METTL15: variants seen among roughly 807,000 people sequenced by gnomAD.
METTL15 encodes 12S rRNA N(4)-cytidine methyltransferase METTL15.
Under a neutral mutation model 38.3 loss-of-function variants are expected in METTL15, and 34 were observed. That is an observed-to-expected ratio of 0.89 (90% confidence interval 0.68 to 1.18). The LOEUF is 1.18. Ranked by LOEUF, METTL15 falls within the 50% of genes most tolerant of loss-of-function variation. The probability of loss-of-function intolerance (pLI) is 0.00; values close to 1 mark genes in which losing one functional copy is unlikely to be tolerated. For missense variants in METTL15, 438 were observed against 498.4 expected (o/e 0.88, Z 1.15); for synonymous variants, 162 against 170.9 (o/e 0.95, Z 0.41).
chr11:28,191,241 G>GT (rs1460295462), intron 3 of METTL15, among the ~76,000 whole-genome samples: 4 of 150,170 alleles, frequency 2.7e-5, no homozygotes, highest in Admixed American at 6.7e-5. Flanking sequence ...GTTTGTGAAA[G>GT]TTTTTTTTTC....
chr11:28,408,799 C>G (rs1850699169), intron 5 of METTL15, among the ~76,000 whole-genome samples: 1 of 152,072 alleles, frequency 6.6e-6, no homozygotes. Context: ...TATATCAAAT[C>G]TTGAAGTAAA....
At chr11:28,189,994 T>C (rs1050382546) in intron 3 of METTL15, among the ~76,000 whole-genome samples, 4 of 151,226 alleles carry the variant, frequency 2.6e-5, no homozygotes, top group African/African-American at 9.7e-5. Context: ...TAGAGTTCCA[T>C]AGAGTGCTCT....
chr11:28,334,897 A>T (rs1849886918), downstream of METTL15, among the ~76,000 whole-genome samples: 1 of 152,164 alleles, frequency 6.6e-6, no homozygotes, highest in Non-Finnish European at 1.5e-5. Flanking sequence ...CCTTCTCATA[A>T]TCTGCCCAAA....
chr11:28,250,915 T>C (rs993911335), intron 4 of METTL15, among the ~76,000 whole-genome samples: 3 of 152,030 alleles, frequency 2.0e-5, no homozygotes, highest in Non-Finnish European at 2.9e-5. Context: ...CTTGCATTAT[T>C]TGTGGCTGGG....
At chr11:28,285,591 G>A (rs1856226578) in intron 4 of METTL15, among the ~76,000 whole-genome samples, 1 of 152,050 alleles carries the variant, frequency 6.6e-6, no homozygotes, top group Admixed American at 6.6e-5. Flanking sequence ...GATAATTTAT[G>A]GGTTCTTATA....
intron 3 of METTL15, among the ~76,000 whole-genome samples, chr11:28,175,952 A>G (rs1851059261): frequency 6.6e-6 from 1 of 151,890 alleles, no homozygotes; most frequent in Non-Finnish European, 1.5e-5. Flanking sequence ...TTTTTAGATG[A>G]TGAGATGATA....
At chr11:28,233,479 A>C (rs2133886617) in intron 4 of METTL15, among the ~76,000 whole-genome samples, 1 of 152,014 alleles carries the variant, frequency 6.6e-6, no homozygotes, top group South Asian at 2.1e-4. Context: ...TTTTTAACTT[A>C]AAGGATAAAA....
chr11:28,430,961 C>T (rs1850920766), intron 6 of METTL15, among the ~76,000 whole-genome samples: 1 of 102,422 alleles, frequency 9.8e-6, no homozygotes, highest in Non-Finnish European at 2.2e-5. Flanking sequence ...GGCGCCTCTG[C>T]CCGGCCGCCC....
intron 6 of METTL15, among the ~76,000 whole-genome samples, chr11:28,315,599 A>G (rs1465582918): frequency 6.6e-6 from 1 of 152,234 alleles, no homozygotes; most frequent in Non-Finnish European, 1.5e-5. Context: ...ATAAGTAAGG[A>G]GAAGCCAATC....
intron 4 of METTL15, among the ~76,000 whole-genome samples, chr11:28,216,509 A>G (rs1327281353): frequency 6.6e-6 from 1 of 152,166 alleles, no homozygotes; most frequent in African/African-American, 2.4e-5. Context: ...ATTTGAATAT[A>G]CAAGTTCTAT....
intron 5 of METTL15, among the ~76,000 whole-genome samples, chr11:28,422,607 G>T (rs1459642494): frequency 6.6e-6 from 1 of 151,996 alleles, no homozygotes; most frequent in Non-Finnish European, 1.5e-5. Flanking sequence ...AGGACAGTCT[G>T]TGTAATACAT....
At chr11:28,215,681 A>G (rs1267521792) in intron 4 of METTL15, among the ~76,000 whole-genome samples, 1 of 152,214 alleles carries the variant, frequency 6.6e-6, no homozygotes, top group Non-Finnish European at 1.5e-5. Flanking sequence ...TGAAGGGCAT[A>G]CAAGAAGATT....
chr11:28,316,583 G>C (rs929591654), intron 6 of METTL15, among the ~76,000 whole-genome samples: 6 of 152,176 alleles, frequency 3.9e-5, no homozygotes, highest in Non-Finnish European at 7.3e-5. Flanking sequence ...GATTGGTTTT[G>C]AAATGTGAAG....
chr11:28,486,400 T>A (rs1251990798), intron 6 of METTL15, among the ~76,000 whole-genome samples: 2 of 152,186 alleles, frequency 1.3e-5, no homozygotes, highest in East Asian at 3.9e-4. Flanking sequence ...TCCTTTTTTT[T>A]TTTCTCTGCC....
intron 2 of METTL15, among the ~76,000 whole-genome samples, chr11:28,112,515 A>G (rs1816729834): frequency 6.6e-6 from 1 of 152,178 alleles, no homozygotes; most frequent in Admixed American, 6.5e-5. Context: ...CTGTTAATAT[A>G]TGTACATAAA....
At chr11:28,402,587 C>T (rs989331541) in intron 5 of METTL15, among the ~76,000 whole-genome samples, 1 of 151,976 alleles carries the variant, frequency 6.6e-6, no homozygotes, top group Non-Finnish European at 1.5e-5. Flanking sequence ...TGGACCCTTG[C>T]ATCTGTCACT....
intron 3 of METTL15, among the ~76,000 whole-genome samples, chr11:28,339,554 A>G (rs1849931818): frequency 6.6e-6 from 1 of 151,788 alleles, no homozygotes; most frequent in Non-Finnish European, 1.5e-5. Flanking sequence ...AAACTGTACA[A>G]AAGACATAAA....
intron 6 of METTL15, among the ~76,000 whole-genome samples, chr11:28,427,443 A>C (rs1221815381): frequency 6.6e-6 from 1 of 152,114 alleles, no homozygotes; most frequent in African/African-American, 2.4e-5. Flanking sequence ...TATGAATATT[A>C]AAATAGTTTT....
chr11:28,227,113 G>T (rs1017347356), intron 4 of METTL15, among the ~76,000 whole-genome samples: 1 of 151,718 alleles, frequency 6.6e-6, no homozygotes, highest in Non-Finnish European at 1.5e-5. Context: ...TTTTGAGGAG[G>T]TAAAACTTGA....
Sources: allele counts gnomAD v4.1 joint callset (sites outside exome capture counted in the v4.1 genomes callset), GRCh38; gene constraint gnomAD v4.1.1; transcripts MANE v1.5; gene names NCBI Gene and HGNC (gene_info 2026-07-23, HGNC 2026-07-21).